EDARADD: variants seen among roughly 807,000 people sequenced by gnomAD.
EDARADD encodes the protein EDAR associated via death domain.
A neutral mutation model predicts 25.6 loss-of-function variants in EDARADD; 20 were observed. The ratio of observed to expected loss-of-function variants is 0.78; its 90% CI spans 0.55 to 1.14. The LOEUF is 1.14. Among genes scored for constraint, EDARADD ranks in the 50% most tolerant of loss-of-function variants. The probability of loss-of-function intolerance (pLI) is 0.00; values close to 1 mark genes in which losing one functional copy is unlikely to be tolerated. For missense variants in EDARADD, 225 were observed against 270.1 expected (o/e 0.83, Z 1.17); for synonymous variants, 86 against 94.4 (o/e 0.91, Z 0.52).
intron 4 of EDARADD, among the ~76,000 whole-genome samples, chr1:236,432,839 C>T (rs1658141340): frequency 6.6e-6 from 1 of 151,760 alleles, no homozygotes; most frequent in South Asian, 2.1e-4. Flanking sequence ...GAGCCGAGAT[C>T]ATGCTCAGCT....
At chr1:236,440,648 C>A (rs930475445) in intron 4 of EDARADD, among the ~76,000 whole-genome samples, 1 of 151,746 alleles carries the variant, frequency 6.6e-6, no homozygotes, top group African/African-American at 2.4e-5. Flanking sequence ...ATTTTTCTAA[C>A]AGCATGTGTT....
chr1:236,427,643 T>G (rs1410287389), intron 4 of EDARADD, among the ~76,000 whole-genome samples, 193 bp downstream of exon 4: 6 of 152,134 alleles, frequency 3.9e-5, no homozygotes, highest in Non-Finnish European at 8.8e-5. Context: ...TAATAAATAT[T>G]ATAGCTTTCA....
In EDARADD at chr1:236,395,827, G is replaced by A. The variant is rs898564006; in HGVS notation, c.61+1322G>A. The stretch of plus-strand genomic sequence containing the variant: ...GGCGCCAGACCCGGAGTCGCACGGG[G>A]CTCCCAGTCCAGCCCCGCGAGCGGC... On this transcript the variant is annotated intron_variant, in intron 1 of 5. Coordinates refer to ENST00000334232, the MANE Select transcript of EDARADD (RefSeq NM_145861.4). This position sits in a 1 kb window ranked among gnomAD's most constrained non-coding sequence, Gnocchi z 6.9. 1.3e-5 allele frequency among the ~76,000 whole-genome samples: 2 copies of A among 151,874 alleles called. No individual in the cohort carries two copies. Among genetic ancestry groups the A allele is most frequent in the Non-Finnish European group, 2.9e-5 (2 of 67,922 alleles).
intron 4 of EDARADD, among the ~76,000 whole-genome samples, chr1:236,453,657 T>A (rs1026992905): frequency 2.6e-5 from 4 of 152,198 alleles, no homozygotes; most frequent in Admixed American, 6.5e-5. Context: ...GCCTACAGTA[T>A]TCAAGTCAGT....
chr1:236,464,423 CTTTT>C (rs35064410), intron 4 of EDARADD, among the ~76,000 whole-genome samples: 17 of 72,982 alleles, frequency 2.3e-4, no homozygotes, highest in African/African-American at 7.6e-4. Context: ...CTTGCTGCAA[CTTTT>C]TTTTTTTTTT....
upstream of EDARADD, among the ~76,000 whole-genome samples, chr1:236,391,976 C>T (rs1373724231): frequency 2.0e-5 from 3 of 152,218 alleles, no homozygotes; most frequent in Non-Finnish European, 2.9e-5. Context: ...TCCACACACA[C>T]ATCTTTCCTG....
At chr1:236,460,614 T>C (rs1171487705) in intron 4 of EDARADD, among the ~76,000 whole-genome samples, 1 of 152,206 alleles carries the variant, frequency 6.6e-6, no homozygotes, top group Non-Finnish European at 1.5e-5. Flanking sequence ...GTAATAGTAA[T>C]TATTTTGCAG....
chr1:236,356,312 A>G (rs148886929), intron 3 of EDARADD, among the ~76,000 whole-genome samples: 1 of 152,306 alleles, frequency 6.6e-6, no homozygotes, highest in Non-Finnish European at 1.5e-5. Context: ...GAGATTCTCA[A>G]TGAGCAATCA....
intron 4 of EDARADD, among the ~76,000 whole-genome samples, chr1:236,455,946 C>T (rs148676618): frequency 2.6e-5 from 4 of 152,300 alleles, no homozygotes; most frequent in Admixed American, 6.5e-5. Context: ...CCCGCCACCA[C>T]GTCTGGCTCA....
Position 236,414,307 on chromosome 1 carries a change from C to T in EDARADD, c.160+8C>T. 1 of 1,601,740 alleles carries T rather than the reference C, an allele frequency of 6.2e-7. No homozygotes were observed. Reference sequence around the variant, plus strand: ...ATACGGAACTCCCTAAAGGTATGTACAGTTAAAATAACTACTTGAACATGT... The same window carrying T: ...ATACGGAACTCCCTAAAGGTATGTATAGTTAAAATAACTACTTGAACATGT... On this transcript the variant is annotated splice_region_variant and intron_variant, in intron 3 of 5. Coordinates refer to ENST00000334232, the MANE Select transcript of EDARADD (RefSeq NM_145861.4).
At chr1:236,428,872 G>C (rs549342828) in intron 4 of EDARADD, among the ~76,000 whole-genome samples, 189 of 152,162 alleles carry the variant, frequency 1.2e-3, no homozygotes, top group African/African-American at 4.4e-3. Flanking sequence ...GCGAGACTCT[G>C]TCTGCAATCC....
At chr1:236,349,808 G>A (rs1046522196) in intron 2 of EDARADD, among the ~76,000 whole-genome samples, 2 of 152,102 alleles carry the variant, frequency 1.3e-5, no homozygotes, top group African/African-American at 4.8e-5. Flanking sequence ...GAAAAAAAAA[G>A]GGCAGTGGTG....
intron 3 of EDARADD, 30 bp from the exon 4 acceptor site, chr1:236,427,354 ACTTTGTTT>A (rs769721928): frequency 2.3e-5 from 36 of 1,590,708 alleles, no homozygotes; most frequent in Middle Eastern, 1.7e-4. Context: ...TTAAAATCAC[ACTTTGTTT>A]CTTTCTTTCT....
intron 4 of EDARADD, among the ~76,000 whole-genome samples, chr1:236,454,844 T>G (rs1229381416): frequency 6.6e-6 from 1 of 152,190 alleles, no homozygotes; most frequent in African/African-American, 2.4e-5. Context: ...TGAATGATAC[T>G]CATCTGGCAG....
rs562503331 is a variant in EDARADD at position 236,403,175 on chromosome 1, C to T, written c.62-6041C>T. ...TTCACCATGTTGGCCAGGCTGGTCTCGAACTTCTGACTTCAAGTGATCCAC... is the reference window on the plus strand; with the variant it reads ...TTCACCATGTTGGCCAGGCTGGTCTTGAACTTCTGACTTCAAGTGATCCAC... On this transcript the variant is annotated intron_variant, in intron 1 of 5. Coordinates refer to ENST00000334232, the MANE Select transcript of EDARADD (RefSeq NM_145861.4). 2.0e-3 allele frequency among the ~76,000 whole-genome samples: 311 copies of T among 152,174 alleles called. 3 individuals are homozygous for T. The highest frequency in any genetic ancestry group is 7.2e-3 in the African/African-American group (299 of 41,534).
At chr1:236,368,441 T>TTTC (rs72043107) in intron 3 of EDARADD, among the ~76,000 whole-genome samples, 2 of 61,310 alleles carry the variant, frequency 3.3e-5, no homozygotes, top group African/African-American at 1.8e-4. Flanking sequence ...CAGTCTTTTC[T>TTTC]TTTTTTTTTT....
chr1:236,353,130 C>G (rs774318847), intron 3 of EDARADD, among the ~76,000 whole-genome samples: 2 of 152,218 alleles, frequency 1.3e-5, no homozygotes, highest in Non-Finnish European at 2.9e-5. Context: ...TCACAGGACT[C>G]CAGCCTTGAA....
intron 4 of EDARADD, among the ~76,000 whole-genome samples, chr1:236,438,084 G>T (rs1658307894): frequency 6.7e-6 from 1 of 149,970 alleles, no homozygotes; most frequent in Non-Finnish European, 1.5e-5. Flanking sequence ...TAGCTGGCTG[G>T]CTTCTCCCTG....
At chr1:236,421,406 G>A (rs1260844943) in intron 3 of EDARADD, among the ~76,000 whole-genome samples, 1 of 145,550 alleles carries the variant, frequency 6.9e-6, no homozygotes, top group African/African-American at 2.5e-5. Flanking sequence ...TTGGTAAGGG[G>A]CGTTGTTTGG....
Sources: gnomAD v4.1 joint callset for allele counts (sites outside exome capture counted in the v4.1 genomes callset) on GRCh38, gnomAD v4.1.1 for gene constraint, Gnocchi (gnomAD v3.1) non-coding constraint, MANE v1.5 for transcripts, NCBI Gene and HGNC (gene_info 2026-07-23, HGNC 2026-07-21) for gene names.